PLCB1: variants seen among roughly 807,000 people sequenced by gnomAD.
PLCB1 encodes the protein phospholipase C beta 1.
Under a neutral mutation model 161.8 loss-of-function variants are expected in PLCB1, and 46 were observed. That is an observed-to-expected ratio of 0.28 (90% confidence interval 0.22 to 0.36). PLCB1 has a LOEUF of 0.36. Ranked by LOEUF, PLCB1 falls within the 10% of genes least tolerant of loss-of-function variation. The probability of loss-of-function intolerance (pLI) is 1.00; values close to 1 mark genes in which losing one functional copy is unlikely to be tolerated. For missense variants in PLCB1, 1,016 were observed against 1,472.5 expected, an observed-to-expected ratio of 0.69 and a Z score of 5.07; for synonymous variants, 517 against 503.7, an observed-to-expected ratio of 1.03 and a Z score of -0.35.
At chr20:8,668,919 A>G (rs1336099013) in intron 9 of PLCB1, among the ~76,000 whole-genome samples, 1 of 152,226 alleles carries the variant, frequency 6.6e-6, no homozygotes. Context: ...AGATCCTTCA[A>G]AGTACCTGAT....
At chr20:8,800,443 A>G in intron 31 of PLCB1, among the ~76,000 whole-genome samples, 1 of 151,990 alleles carries the variant, frequency 6.6e-6, no homozygotes, top group East Asian at 1.9e-4. Context: ...AAAGAGTCAC[A>G]CACACACACA....
intron 2 of PLCB1, among the ~76,000 whole-genome samples, chr20:8,160,241 T>C (rs528127092): frequency 6.6e-6 from 1 of 152,294 alleles, no homozygotes; most frequent in South Asian, 2.1e-4. Context: ...TCAACAAGTC[T>C]CTAGGAAGTT....
At chr20:8,362,121 G>A (rs1170703492) in intron 2 of PLCB1, among the ~76,000 whole-genome samples, 1 of 152,012 alleles carries the variant, frequency 6.6e-6, no homozygotes, top group African/African-American at 2.4e-5. Context: ...CATCCATAAA[G>A]ATGTGGAGAA....
chr20:8,633,147 CATATT>C (rs143493498), intron 4 of PLCB1, among the ~76,000 whole-genome samples: 4 of 118,812 alleles, frequency 3.4e-5, no homozygotes, highest in African/African-American at 1.1e-4. Flanking sequence ...CACACACACA[CATATT>C]ATAAAGAAGG....
At chr20:8,812,858 T>A (rs1984897947) in intron 31 of PLCB1, among the ~76,000 whole-genome samples, 1 of 152,188 alleles carries the variant, frequency 6.6e-6, no homozygotes, top group African/African-American at 2.4e-5. Context: ...CTATTTCCTT[T>A]AACAGTTAGA....
chr20:8,379,479 G>A (rs1381589424), intron 3 of PLCB1, among the ~76,000 whole-genome samples: 5 of 152,132 alleles, frequency 3.3e-5, no homozygotes, highest in Admixed American at 3.3e-4. Context: ...TAATGGAATT[G>A]CTGGGTCAAA....
chr20:8,286,024 G>C (rs1983102256), intron 2 of PLCB1, among the ~76,000 whole-genome samples: 1 of 152,176 alleles, frequency 6.6e-6, no homozygotes, highest in African/African-American at 2.4e-5. Flanking sequence ...CATAGCATAA[G>C]AGAAAAGGAT....
chr20:8,837,798 T>A (rs1485553552), intron 31 of PLCB1, among the ~76,000 whole-genome samples: 1 of 152,172 alleles, frequency 6.6e-6, no homozygotes, highest in East Asian at 1.9e-4. Flanking sequence ...GAACTTACAA[T>A]GGAAACTGCA....
chr20:8,732,892 ATATAT>A (rs1028360642), intron 18 of PLCB1, among the ~76,000 whole-genome samples: 18 of 147,352 alleles, frequency 1.2e-4, no homozygotes, highest in African/African-American at 3.2e-4. Context: ...AATATTTAAC[ATATAT>A]TATACAAATA....
At chr20:8,751,890 G>C (rs1334436547) in intron 23 of PLCB1, 3 of 152,146 alleles carry the variant, frequency 2.0e-5, no homozygotes, top group African/African-American at 7.2e-5. Context: ...AATAATGGGG[G>C]AGAAATAAAA....
At chr20:8,346,087 C>G (rs557543235) in intron 2 of PLCB1, among the ~76,000 whole-genome samples, 1 of 152,114 alleles carries the variant, frequency 6.6e-6, no homozygotes, top group East Asian at 1.9e-4. Flanking sequence ...AGATTTCTAT[C>G]GTGTTTTTAA....
chr20:8,550,080 T>C (rs1471963776), intron 3 of PLCB1, among the ~76,000 whole-genome samples: 2 of 152,198 alleles, frequency 1.3e-5, no homozygotes, highest in African/African-American at 2.4e-5. Flanking sequence ...TGTACCCCTA[T>C]TGTATGTAGG....
intron 2 of PLCB1, among the ~76,000 whole-genome samples, chr20:8,196,225 A>G (rs1229712597): frequency 6.6e-6 from 1 of 152,136 alleles, no homozygotes; most frequent in Admixed American, 6.6e-5. Context: ...CAAAAATACC[A>G]CAGAAGTGAT....
chr20:8,551,089 A>C (rs943211849), intron 3 of PLCB1, among the ~76,000 whole-genome samples: 3 of 152,332 alleles, frequency 2.0e-5, no homozygotes, highest in African/African-American at 4.8e-5. Context: ...ATTTCATAAG[A>C]CATGAATGAC....
intron 2 of PLCB1, among the ~76,000 whole-genome samples, chr20:8,212,228 A>G (rs1978862427): frequency 6.6e-6 from 1 of 152,118 alleles, no homozygotes; most frequent in South Asian, 2.1e-4. Context: ...GAAAAGCCTG[A>G]TTTTTGTTTT....
chr20:8,676,414 AG>A (rs199523557), intron 9 of PLCB1, among the ~76,000 whole-genome samples: 6 of 144,860 alleles, frequency 4.1e-5, no homozygotes, highest in African/African-American at 1.7e-4. Context: ...AGAAAGAAAG[AG>A]AAGAAAGAAA....
intron 2 of PLCB1, among the ~76,000 whole-genome samples, chr20:8,370,608 C>T (rs1305681460): frequency 6.6e-6 from 1 of 152,152 alleles, no homozygotes; most frequent in Non-Finnish European, 1.5e-5. Flanking sequence ...CTGGGAGGAA[C>T]CCCTCCCCAA....
intron 10 of PLCB1, among the ~76,000 whole-genome samples, chr20:8,695,682 AC>A (rs566698828): frequency 1.4e-3 from 219 of 152,332 alleles, no homozygotes; most frequent in Middle Eastern, 6.8e-3. Context: ...AGCCTCGGTG[AC>A]AGAGTGAGAT....
At chr20:8,222,269 T>G (rs1312077255) in intron 2 of PLCB1, among the ~76,000 whole-genome samples, 1 of 152,208 alleles carries the variant, frequency 6.6e-6, no homozygotes, top group Admixed American at 6.5e-5. Flanking sequence ...CATTTGCCAT[T>G]GTACAGATCT....
Sources: gnomAD v4.1 joint callset for allele counts (sites outside exome capture counted in the v4.1 genomes callset) on GRCh38, gnomAD v4.1.1 for gene constraint, MANE v1.5 for transcripts, NCBI Gene and HGNC (gene_info 2026-07-23, HGNC 2026-07-21) for gene names.